The following CEP43 variants were observed in gnomAD, a reference collection of about 807,000 sequenced individuals.
CEP43 encodes centrosomal protein 43.
In CEP43, 36 loss-of-function variants were observed where a neutral mutation model predicts 52.6. That is an observed-to-expected ratio of 0.68 (90% CI 0.52 to 0.90). The LOEUF is 0.90. Among genes scored for constraint, CEP43 ranks in the 40% least tolerant of loss-of-function variants. CEP43 has a pLI of 0.00. For synonymous variants in CEP43, 192 were observed against 172.4 expected (o/e 1.11, Z -0.89); for missense variants, 506 against 472.8 (o/e 1.07, Z -0.65).
intron 10 of CEP43, chr6:167,028,114 C>A: frequency 1.0e-6 from 1 of 985,642 alleles, no homozygotes; most frequent in Non-Finnish European, 1.2e-6. Context: ...TTACTCCTGA[C>A]CTCTGCACCG....
chr6:167,032,862 G>C (rs1307606535), intron 11 of CEP43, among the ~76,000 whole-genome samples: 1 of 152,132 alleles, frequency 6.6e-6, no homozygotes, highest in African/African-American at 2.4e-5. Flanking sequence ...GTCACATTAT[G>C]TTCAGGAAAC....
rs1355658861 is a variant in CEP43, at chr6:167,041,628, A to G, written c.*1650A>G. 1.9e-6 allele frequency: 2 copies of G among 1,043,174 alleles called. No homozygotes were observed. Among genetic ancestry groups the G allele is most frequent in the Non-Finnish European group, 2.3e-6 (2 of 865,132 alleles). 64.6% of individuals were successfully genotyped at this position (1,043,174 alleles called of 1,614,324 possible). Reference sequence around the variant, plus strand: ...GTATGATTTATTTTTAATATTTGATAGGAACTAGGTTTCAGTGAAATGATT... The same window carrying G: ...GTATGATTTATTTTTAATATTTGATGGGAACTAGGTTTCAGTGAAATGATT... On this transcript the variant is annotated 3_prime_UTR_variant, in exon 13 of 13. Coordinates refer to ENST00000366847, the MANE Select transcript of CEP43 (RefSeq NM_007045.4).
intron 7 of CEP43, among the ~76,000 whole-genome samples, chr6:167,018,769 T>G (rs1048795967): frequency 6.6e-6 from 1 of 152,188 alleles, no homozygotes; most frequent in Non-Finnish European, 1.5e-5. Flanking sequence ...AATCTTCAAC[T>G]TAGCCAAATC....
intron 12 of CEP43, among the ~76,000 whole-genome samples, chr6:167,039,316 A>G (rs1483404815): frequency 6.6e-6 from 1 of 152,060 alleles, no homozygotes; most frequent in Non-Finnish European, 1.5e-5. Context: ...TTTTGTAGAG[A>G]CAGGGTTTCA....
intron 10 of CEP43, among the ~76,000 whole-genome samples, chr6:167,029,275 AT>A (rs1013549404): frequency 4.6e-5 from 7 of 152,266 alleles, no homozygotes; most frequent in Non-Finnish European, 8.8e-5. Flanking sequence ...CTGTCAAAAA[AT>A]GAAGAAAACA....
In CEP43 at chr6:167,003,825, T is replaced by G; in HGVS notation, c.300+14T>G. On this transcript the variant is annotated intron_variant, in intron 4 of 12. Transcript: ENST00000366847. ...GAAACTAGCACAGTAAGAATAATGA[T>G]TTTTACATCTATCTTTTGAAACCTT... is the stretch of plus-strand genomic sequence containing the variant. 1 of 1,477,400 alleles carries G rather than the reference T, an allele frequency of 6.8e-7. No individual in the cohort carries two copies. Among genetic ancestry groups the G allele is most frequent in the Non-Finnish European group, 9.4e-7 (1 of 1,059,554 alleles). The allele number at this position is 1,477,400 out of a possible 1,614,324, so 91.5% of individuals were successfully genotyped here. A position where few individuals can be genotyped will look rare whatever the true frequency, so the allele number is the denominator to read the frequency against.
rs184506037 is a variant in CEP43 at position 167,035,711 on chromosome 6, C to T, written c.1125+1740C>T. Among the ~76,000 whole-genome samples, 142 of 152,196 alleles carry T rather than the reference C, an allele frequency of 9.3e-4. No homozygotes were observed. In the Middle Eastern group the frequency reaches 0.02, roughly 22 times the overall value. On this transcript the variant is annotated intron_variant, in intron 12 of 12. Coordinates refer to ENST00000366847, the MANE Select transcript of CEP43 (RefSeq NM_007045.4). The stretch of plus-strand genomic sequence containing the variant: ...CCTCCCGCGTAGCTGGGACTACAGG[C>T]GCCTGCCACCACGCCCAGCTGATTT...
At chr6:167,015,874 G>C (rs945413329) in intron 7 of CEP43, among the ~76,000 whole-genome samples, 1 of 152,004 alleles carries the variant, frequency 6.6e-6, no homozygotes, top group African/African-American at 2.4e-5. Flanking sequence ...AGACAATAAA[G>C]ATAAAAATAA....
At chr6:167,039,070 G>A (rs975780303) in intron 12 of CEP43, among the ~76,000 whole-genome samples, 6 of 152,006 alleles carry the variant, frequency 3.9e-5, no homozygotes, top group African/African-American at 1.4e-4. Flanking sequence ...CCATTCCTGA[G>A]TTACTTCACT....
Position 167,046,251 on chromosome 6 carries a change from T to A in CEP43, c.*6273T>A, listed in dbSNP as rs574246776. The stretch of plus-strand genomic sequence containing the variant: ...TATTGCAGGGTTCACTTATTTGATC[T>A]ACCCCAACTTAACACACATTTCCAA... On this transcript the variant is annotated 3_prime_UTR_variant, in exon 13 of 13. Transcript: ENST00000366847. 4 of 151,996 alleles carry A rather than the reference T, an allele frequency of 2.6e-5. No individual in the cohort carries two copies. The highest frequency in any genetic ancestry group is 4.4e-5 in the Non-Finnish European group (3 of 67,986). The allele number at this position is 151,996 out of a possible 1,614,324, so 9.4% of individuals were successfully genotyped here.
chr6:166,999,545 G>A, intron 1 of CEP43, 31 bp downstream of exon 1: 1 of 1,349,884 alleles, frequency 7.4e-7, no homozygotes, highest in Non-Finnish European at 9.7e-7. Context: ...CGGGCCTGGC[G>A]GATCCGCAGG....
At chr6:167,005,787 C>T (rs1459770519) in intron 5 of CEP43, among the ~76,000 whole-genome samples, 1 of 152,168 alleles carries the variant, frequency 6.6e-6, no homozygotes, top group Non-Finnish European at 1.5e-5. Flanking sequence ...GTCATGATGA[C>T]CTCTCTTTAT....
intron 2 of CEP43, among the ~76,000 whole-genome samples, chr6:167,001,762 T>C (rs2128656641): frequency 6.6e-6 from 1 of 152,300 alleles, no homozygotes; most frequent in East Asian, 1.9e-4. Flanking sequence ...AAGGGAGTGC[T>C]CTGCTGCCTC....
intron 7 of CEP43, among the ~76,000 whole-genome samples, chr6:167,013,990 C>T (rs74709214): frequency 0.022 from 3,376 of 152,146 alleles, 66 homozygotes; most frequent in East Asian, 0.092. Context: ...AAAAAAGTAA[C>T]GATGGCATGA....
intron 5 of CEP43, among the ~76,000 whole-genome samples, chr6:167,006,163 C>T (rs930017744): frequency 8.5e-5 from 13 of 152,166 alleles, no homozygotes; most frequent in East Asian, 7.7e-4. Context: ...GTGCTTGGCA[C>T]GGAGGACTCT....
chr6:167,029,040 A>G (rs112365303), intron 10 of CEP43, among the ~76,000 whole-genome samples: 1 of 152,230 alleles, frequency 6.6e-6, no homozygotes. Flanking sequence ...TGTGGATGGC[A>G]TGTACTGTCT....
At chr6:167,008,668 G>A (rs1779909004) in intron 5 of CEP43, among the ~76,000 whole-genome samples, 2 of 151,696 alleles carry the variant, frequency 1.3e-5, no homozygotes, top group South Asian at 4.2e-4. Flanking sequence ...GTAGAGACGG[G>A]GTTTCACCGT....
At chr6:167,009,683 A>AG (rs1323529788) in intron 5 of CEP43, among the ~76,000 whole-genome samples, 1 of 150,756 alleles carries the variant, frequency 6.6e-6, no homozygotes, top group Non-Finnish European at 1.5e-5. Context: ...AAAAAAAAAA[A>AG]AAGTTAGTTG....
At position 167,024,852 on chromosome 6, in the gene CEP43, C is replaced by T. The variant is rs1178893872; in HGVS notation, c.877C>T (p.Leu293Phe). 6 of 1,612,002 alleles carry T rather than the reference C, an allele frequency of 3.7e-6. No homozygotes were observed. The highest frequency in any genetic ancestry group is 1.6e-4 in the Middle Eastern group (1 of 6,084). ...GGATGCACCCCCCTTAAAAAGTGGA[C>T]TCAGCTCCCTGGCGGGAGCCCCTTC... ...LSDAPPLKSG[L>F]SSLAGAPSLK... The change falls in exon 9 of 13, where the codon CTC becomes TTC. Residue 293 changes from leucine to phenylalanine, a missense_variant. Physicochemically the swap from Leu to Phe is conservative, Grantham distance 22. Transcript: ENST00000366847.
Sources: allele counts gnomAD v4.1 joint callset (sites outside exome capture counted in the v4.1 genomes callset), GRCh38; gene constraint gnomAD v4.1.1; transcripts MANE v1.5; gene names NCBI Gene and HGNC (gene_info 2026-07-23, HGNC 2026-07-21).